The following MAGI2 variants were observed in gnomAD, a reference collection of about 807,000 sequenced individuals.
MAGI2 encodes the protein membrane-associated guanylate kinase, WW and PDZ domain-containing protein 2.
Under a neutral mutation model 133.3 loss-of-function variants are expected in MAGI2, and 35 were observed. That is an observed-to-expected ratio of 0.26 (90% CI 0.20 to 0.35). The LOEUF is 0.35. Ranked by LOEUF, MAGI2 falls within the 10% of genes least tolerant of loss-of-function variation. The pLI, the probability that MAGI2 is intolerant of heterozygous loss-of-function variation, is 1.00. For missense variants in MAGI2, 1,636 were observed against 1,863.4 expected, an observed-to-expected ratio of 0.88 and a Z score of 2.25; for synonymous variants, 729 against 710.6, an observed-to-expected ratio of 1.03 and a Z score of -0.41.
intron 1 of MAGI2, among the ~76,000 whole-genome samples, chr7:79,131,003 G>A (rs1229871061): frequency 6.6e-6 from 1 of 152,092 alleles, no homozygotes; most frequent in African/African-American, 2.4e-5. Flanking sequence ...ACAGGGATGA[G>A]GATCATGGAG....
intron 14 of MAGI2, among the ~76,000 whole-genome samples, chr7:78,172,892 C>T (rs910403608): frequency 6.6e-6 from 1 of 152,108 alleles, no homozygotes; most frequent in Admixed American, 6.6e-5. Context: ...CTCTCCCAGA[C>T]GGGGTCATTC....
At chr7:79,014,169 C>T (rs1024223369) in intron 1 of MAGI2, among the ~76,000 whole-genome samples, 1 of 152,144 alleles carries the variant, frequency 6.6e-6, no homozygotes, top group Non-Finnish European at 1.5e-5. Context: ...TTATAATATT[C>T]TCTAGCTCAA....
chr7:78,655,014 G>A (rs1447439152), intron 2 of MAGI2, among the ~76,000 whole-genome samples: 1 of 151,602 alleles, frequency 6.6e-6, no homozygotes, highest in African/African-American at 2.4e-5. Context: ...CAGGATAAAT[G>A]CTTGAGGTGA....
In MAGI2 at chr7:79,443,287, T is replaced by A. The variant is rs200483162; in HGVS notation, c.301+9733A>T. Among the ~76,000 whole-genome samples the A allele has an allele frequency of 5.6e-4, 26 of 46,518 alleles. No homozygotes were observed. The Middle Eastern group carries it at 0.045, about 81-fold the overall frequency. 30.5% of individuals were successfully genotyped at this position (46,518 alleles called of 152,430 possible). On this transcript the variant is annotated intron_variant, in intron 1 of 21. Transcript: ENST00000354212. ...AAGTGTGTGTGTGTGTGTGTGTGCGTGTGTGTGTGTGTGTGTGTGTGTGTG... is the reference window on the plus strand; with the variant it reads ...AAGTGTGTGTGTGTGTGTGTGTGCGAGTGTGTGTGTGTGTGTGTGTGTGTG...
chr7:78,131,928 TA>T (rs1232165443), intron 18 of MAGI2, among the ~76,000 whole-genome samples: 2 of 152,152 alleles, frequency 1.3e-5, no homozygotes, highest in Non-Finnish European at 2.9e-5. Context: ...GGCTGGAGTG[TA>T]ATGGGAACGT....
chr7:78,697,117 CCTTTT>C (rs1441647316), intron 2 of MAGI2, among the ~76,000 whole-genome samples: 1 of 152,144 alleles, frequency 6.6e-6, no homozygotes, highest in Admixed American at 6.5e-5. Context: ...CTATCTTTTT[CCTTTT>C]CATCTCTCTA....
At chr7:79,057,466 G>A (rs1349165265) in intron 1 of MAGI2, among the ~76,000 whole-genome samples, 1 of 152,160 alleles carries the variant, frequency 6.6e-6, no homozygotes, top group Non-Finnish European at 1.5e-5. Flanking sequence ...TTCTGAATAT[G>A]TGTATTTTTG....
chr7:79,075,335 A>G lies in MAGI2; in HGVS notation c.302-68129T>C, dbSNP rs1054936260. ...GGAACTCTTACCTTCCATGAGAACA[A>G]AGAATCTCATGTTACCACATGAGTT... On this transcript the variant is annotated intron_variant, in intron 1 of 21. Coordinates refer to ENST00000354212, the MANE Select transcript of MAGI2 (RefSeq NM_012301.4). Among the ~76,000 whole-genome samples the G allele has an allele frequency of 3.9e-5, 6 of 152,204 alleles. No individual in the cohort carries two copies. In the East Asian group the frequency reaches 9.6e-4, roughly 24 times the overall value.
At chr7:79,355,833 C>T (rs1272550104) in intron 1 of MAGI2, among the ~76,000 whole-genome samples, 3 of 151,920 alleles carry the variant, frequency 2.0e-5, no homozygotes, top group Non-Finnish European at 4.4e-5. Flanking sequence ...GTCAGATATA[C>T]AAATATTTTA....
At chr7:78,218,937 G>A (rs116112849) in intron 10 of MAGI2, among the ~76,000 whole-genome samples, 1,685 of 152,248 alleles carry the variant, frequency 0.011, 23 homozygotes, top group African/African-American at 0.036. Context: ...CATCATAGCC[G>A]ACATTTTGTG....
At chr7:79,160,392 T>G (rs1013170255) in intron 1 of MAGI2, among the ~76,000 whole-genome samples, 15 of 152,014 alleles carry the variant, frequency 9.9e-5, no homozygotes, top group African/African-American at 3.6e-4. Context: ...AAGAGAGTAG[T>G]TGATATGAGG....
chr7:78,709,286 A>AC (rs1818946164), intron 2 of MAGI2, among the ~76,000 whole-genome samples: 3 of 135,760 alleles, frequency 2.2e-5, no homozygotes, highest in South Asian at 2.4e-4. Flanking sequence ...ACACACCCCC[A>AC]CCCCCACTCC....
chr7:78,466,415 G>C (rs191677882), intron 6 of MAGI2, among the ~76,000 whole-genome samples: 1 of 152,334 alleles, frequency 6.6e-6, no homozygotes, highest in African/African-American at 2.4e-5. Context: ...ATCAGTGATT[G>C]CGTCCATTCA....
At chr7:79,014,518 A>G in intron 1 of MAGI2, among the ~76,000 whole-genome samples, 1 of 152,176 alleles carries the variant, frequency 6.6e-6, no homozygotes, top group East Asian at 1.9e-4. Flanking sequence ...CCTAACTCTT[A>G]CAAATTAGAT....
chr7:78,611,328 G>C (rs183091507), intron 3 of MAGI2, among the ~76,000 whole-genome samples: 1 of 152,110 alleles, frequency 6.6e-6, no homozygotes, highest in Non-Finnish European at 1.5e-5. Flanking sequence ...AGATCATTCA[G>C]AACAAATCAC....
chr7:79,049,554 T>C (rs563010989), intron 1 of MAGI2, among the ~76,000 whole-genome samples: 1 of 152,312 alleles, frequency 6.6e-6, no homozygotes, highest in South Asian at 2.1e-4. Context: ...CCAGCTTTGA[T>C]GTTTGCCAAC....
intron 3 of MAGI2, among the ~76,000 whole-genome samples, chr7:78,583,956 A>G (rs1180077404): frequency 6.6e-6 from 1 of 152,194 alleles, no homozygotes; most frequent in Non-Finnish European, 1.5e-5. Flanking sequence ...GAGCTCAAAT[A>G]CCCTTCTAGA....
intron 1 of MAGI2, among the ~76,000 whole-genome samples, chr7:79,130,036 C>T (rs920916783): frequency 1.3e-5 from 2 of 151,874 alleles, no homozygotes; most frequent in African/African-American, 4.8e-5. Flanking sequence ...CATGGTGGCT[C>T]ACACTTGTAA....
intron 2 of MAGI2, among the ~76,000 whole-genome samples, chr7:78,648,156 CACT>C (rs1265217562): frequency 2.0e-5 from 3 of 152,064 alleles, no homozygotes; most frequent in Non-Finnish European, 4.4e-5. Flanking sequence ...AAAAAAATTA[CACT>C]ACAAAATTTC....
Sources: gnomAD v4.1 joint callset for allele counts (sites outside exome capture counted in the v4.1 genomes callset) on GRCh38, gnomAD v4.1.1 for gene constraint, MANE v1.5 for transcripts, NCBI Gene and HGNC (gene_info 2026-07-23, HGNC 2026-07-21) for gene names.